SQOR: variants seen among roughly 807,000 people sequenced by gnomAD.
The protein encoded by SQOR is sulfide:quinone oxidoreductase, mitochondrial.
Under a neutral mutation model 48.6 loss-of-function variants are expected in SQOR, and 39 were observed. The ratio of observed to expected loss-of-function variants is 0.80; its 90% confidence interval spans 0.62 to 1.05. The LOEUF (loss-of-function observed/expected upper bound fraction) is 1.05. Ranked by LOEUF, SQOR falls within the 50% of genes least tolerant of loss-of-function variation. The pLI, the probability that SQOR is intolerant of heterozygous loss-of-function variation, is 0.00. For synonymous variants in SQOR, 220 were observed against 206.2 expected (o/e 1.07, Z -0.57); for missense variants, 561 against 559.9 (o/e 1.00, Z -0.02).
At chr15:45,651,050 T>C (rs560693174) in intron 1 of SQOR, among the ~76,000 whole-genome samples, 11 of 152,210 alleles carry the variant, frequency 7.2e-5, no homozygotes, top group African/African-American at 2.4e-4. Context: ...GGACAGGGCA[T>C]CACAGAGCAG....
intron 9 of SQOR, 167 bp downstream of exon 9, chr15:45,689,384 C>A: frequency 3.6e-6 from 2 of 561,726 alleles, no homozygotes; most frequent in Non-Finnish European, 6.0e-6. Context: ...AAATCACTTT[C>A]ACATACCAAG....
chr15:45,654,671 A>G (rs1434425211), intron 1 of SQOR, among the ~76,000 whole-genome samples: 3 of 152,230 alleles, frequency 2.0e-5, no homozygotes, highest in Middle Eastern at 3.4e-3. Context: ...AATTTAGGAC[A>G]TGGACACACA....
intron 4 of SQOR, among the ~76,000 whole-genome samples, chr15:45,672,425 CAG>C (rs80044908): frequency 2.2e-3 from 341 of 152,190 alleles, no homozygotes; most frequent in Non-Finnish European, 4.2e-3. Context: ...CTAACTGTAA[CAG>C]GGGTGAACAG....
upstream of SQOR, among the ~76,000 whole-genome samples, chr15:45,633,796 T>C (rs981216311): frequency 1.8e-4 from 27 of 152,116 alleles, no homozygotes; most frequent in Admixed American, 5.9e-4. Context: ...TGCGTTTGTA[T>C]TGTATTGTTC....
chr15:45,640,802 G>C (rs927753795), intron 1 of SQOR, among the ~76,000 whole-genome samples: 5 of 152,154 alleles, frequency 3.3e-5, no homozygotes, highest in African/African-American at 1.2e-4. Flanking sequence ...GTGTGACTGG[G>C]AGTACACTGA....
At chr15:45,636,773 A>G (rs1210668622) in intron 1 of SQOR, among the ~76,000 whole-genome samples, 1 of 152,220 alleles carries the variant, frequency 6.6e-6, no homozygotes, top group African/African-American at 2.4e-5. Context: ...GGCTACATAC[A>G]TAATTGAAGT....
chr15:45,661,999 C>T lies in SQOR; in HGVS notation c.279C>T (p.Ala93=). ...QPIWTLVGAG[A]KQLSSSGRPT... ...TCTGGACACTGGTGGGTGCTGGTGC[C>T]AAACAATTGTCCTCATCTGGTCGTC... The change falls in exon 3 of 10, where the codon GCC becomes GCT. Residue 93 remains alanine (A), a synonymous_variant. Transcript: ENST00000260324. 6.2e-7 allele frequency: 1 copy of T among 1,614,196 alleles called. No individual in the cohort carries two copies. The highest frequency in any genetic ancestry group is 8.5e-7 in the Non-Finnish European group (1 of 1,180,018).
In SQOR at chr15:45,662,052, T is replaced by C. The variant is rs752679183; in HGVS notation, c.332T>C (p.Val111Ala). The C allele has an allele frequency of 8.1e-6, 13 of 1,614,078 alleles. No individual in the cohort carries two copies. The Admixed American group carries it at 2.0e-4, about 25-fold the overall frequency. Residue 111 changes from valine (V) to alanine (A), a missense_variant, in exon 3 of 10, where the codon GTA becomes GCA. By Grantham distance (64) the Val-to-Ala change is moderately conservative. Coordinates refer to ENST00000260324, the MANE Select transcript of SQOR (RefSeq NM_021199.4). ...RPTASVIPSGVEWIKARVTEL... is the reference protein window; with the variant it reads ...RPTASVIPSGAEWIKARVTEL... ...ACGGCAAGTGTGATTCCATCTGGTG[T>C]AGAATGGATCAAAGCTAGAGTGACT...
chr15:45,672,542 G>A (rs1053376011), intron 4 of SQOR, among the ~76,000 whole-genome samples: 4 of 152,102 alleles, frequency 2.6e-5, no homozygotes, highest in African/African-American at 9.7e-5. Flanking sequence ...TAAGTGTCTG[G>A]AGTGACTTTG....
In SQOR at chr15:45,670,063, C is replaced by G; in HGVS notation, c.459+82C>G. 3 of 1,316,492 alleles carry G rather than the reference C, an allele frequency of 2.3e-6. No homozygotes were observed. The East Asian group carries it at 7.0e-5, about 31-fold the overall frequency. The allele number at this position is 1,316,492 out of a possible 1,614,324, so 81.6% of individuals were successfully genotyped here. A position where few individuals can be genotyped will look rare whatever the true frequency, so the allele number is the denominator to read the frequency against. ...CTGCATTTAGTTGCTTTATTATATT[C>G]ATTTTGACAAGAAAGGGGTTCTAAG... On this transcript the variant is annotated intron_variant, in intron 4 of 9. Transcript: ENST00000260324.
chr15:45,654,708 TAGAC>T (rs1045076995), intron 1 of SQOR, among the ~76,000 whole-genome samples: 8 of 152,062 alleles, frequency 5.3e-5, no homozygotes, highest in Admixed American at 4.6e-4. Context: ...GGAGGTTTAA[TAGAC>T]AGGAGAAAAG....
At chr15:45,678,297 A>C (rs548920938) in intron 6 of SQOR, among the ~76,000 whole-genome samples, 3 of 152,280 alleles carry the variant, frequency 2.0e-5, no homozygotes, top group Admixed American at 6.5e-5. Flanking sequence ...AATCTTTACT[A>C]TGGTGGTTGC....
At chr15:45,658,867 T>C in intron 1 of SQOR, 40 bp from the exon 2 acceptor site, 1 of 1,412,620 alleles carries the variant, frequency 7.1e-7, no homozygotes, top group Non-Finnish European at 9.4e-7. Context: ...CCACGATGGT[T>C]TCTACCTTGG....
chr15:45,663,913 A>G (rs150988806), intron 3 of SQOR, among the ~76,000 whole-genome samples: 1 of 152,328 alleles, frequency 6.6e-6, no homozygotes, highest in Non-Finnish European at 1.5e-5. Context: ...GGCATTAAGG[A>G]TATGTGTAGT....
At chr15:45,672,651 C>T (rs1889965321) in intron 4 of SQOR, among the ~76,000 whole-genome samples, 2 of 152,198 alleles carry the variant, frequency 1.3e-5, no homozygotes, top group African/African-American at 4.8e-5. Flanking sequence ...TTGCTGAGAA[C>T]TGAGGCTTAA....
chr15:45,652,590 C>T (rs1033162114), intron 1 of SQOR, among the ~76,000 whole-genome samples: 1 of 151,694 alleles, frequency 6.6e-6, no homozygotes, highest in African/African-American at 2.4e-5. Flanking sequence ...GTAAGTGACC[C>T]GCCCACCTCA....
At chr15:45,646,004 T>C (rs1280575696) in intron 1 of SQOR, 2 of 152,222 alleles carry the variant, frequency 1.3e-5, no homozygotes, top group Non-Finnish European at 2.9e-5. Flanking sequence ...TCACCAAGGA[T>C]ACAGGTATTT....
intron 1 of SQOR, among the ~76,000 whole-genome samples, chr15:45,656,746 A>G (rs1889618332): frequency 6.6e-6 from 1 of 152,158 alleles, no homozygotes; most frequent in South Asian, 2.1e-4. Flanking sequence ...TACATAGTTG[A>G]GAGAATATTG....
chr15:45,671,735 G>C (rs1215359912), intron 4 of SQOR, among the ~76,000 whole-genome samples: 1 of 152,136 alleles, frequency 6.6e-6, no homozygotes, highest in Non-Finnish European at 1.5e-5. Context: ...GTTGGACTCA[G>C]GCAGCCTCTC....
Sources: gnomAD v4.1 joint callset for allele counts (sites outside exome capture counted in the v4.1 genomes callset) on GRCh38, gnomAD v4.1.1 for gene constraint, MANE v1.5 for transcripts, NCBI Gene and HGNC (gene_info 2026-07-23, HGNC 2026-07-21) for gene names.